The following NWD2 variants were observed in gnomAD, a reference collection of about 807,000 sequenced individuals.
The protein encoded by NWD2 is NACHT and WD repeat domain containing 2.
In NWD2, 37 loss-of-function variants were observed where a neutral mutation model predicts 132.7. That is an observed-to-expected ratio of 0.28 (90% CI 0.21 to 0.37). NWD2 has a LOEUF of 0.37. Ranked by LOEUF, NWD2 falls within the 10% of genes least tolerant of loss-of-function variation. The pLI is 1.00. For missense variants in NWD2, 1,592 were observed against 2,122.4 expected, an observed-to-expected ratio of 0.75 and a Z score of 4.91; for synonymous variants, 705 against 803.0, an observed-to-expected ratio of 0.88 and a Z score of 2.06.
rs141630665 is a variant in NWD2, at chr4:37,444,105, T to C, written c.2117T>C (p.Leu706Ser). 2.1e-4 allele frequency: 325 copies of C among 1,551,632 alleles called. No individual in the cohort carries two copies. Among genetic ancestry groups the C allele is most frequent in the Non-Finnish European group, 2.7e-4 (306 of 1,146,964 alleles). The part of the protein sequence containing the change: ...RPSNPLRVPY[L>S]YIARLKEGLS... ...AGCAATCCCCTGAGAGTACCTTACT[T>C]GTACATTGCAAGGCTCAAGGAGGGT... is the stretch of plus-strand genomic sequence containing the variant. The change falls in exon 7 of 7, where the codon TTG becomes TCG. Residue 706 changes from leucine to serine, a missense_variant. Physicochemically the swap from Leu to Ser is moderately radical, Grantham distance 145. Coordinates refer to ENST00000309447, the MANE Select transcript of NWD2 (RefSeq NM_001144990.2). The surrounding 1 kb of genome is among the most constrained non-coding windows in gnomAD (Gnocchi z 4.8).
At chr4:37,359,647 C>T (rs1719941182) in intron 3 of NWD2, among the ~76,000 whole-genome samples, 1 of 152,078 alleles carries the variant, frequency 6.6e-6, no homozygotes, top group South Asian at 2.1e-4. Flanking sequence ...AGTCTTTAGC[C>T]TTTATGTTAG....
At chr4:37,281,244 A>C (rs1718122160) in intron 1 of NWD2, among the ~76,000 whole-genome samples, 1 of 152,180 alleles carries the variant, frequency 6.6e-6, no homozygotes, top group African/African-American at 2.4e-5. Flanking sequence ...CCTCTCTGGT[A>C]AACTACCCAG....
rs1185300441 is a variant in NWD2 at position 37,267,457 on chromosome 4, AG to A, written c.151+22240del. The stretch of plus-strand genomic sequence containing the variant: ...ACCCCATCAGAGCCCACGGTTTTTA[AG>A]AATTTCTAAGAACCCTAGTACCTAT... On this transcript the variant is annotated intron_variant, in intron 1 of 6. Coordinates refer to ENST00000309447, the MANE Select transcript of NWD2 (RefSeq NM_001144990.2). Among the ~76,000 whole-genome samples the A allele has an allele frequency of 2.6e-5, 4 of 151,982 alleles. No individual in the cohort carries two copies. In the East Asian group the frequency reaches 7.7e-4, roughly 29 times the overall value.
intron 1 of NWD2, among the ~76,000 whole-genome samples, chr4:37,275,772 C>T (rs1440537937): frequency 3.9e-5 from 6 of 152,052 alleles, no homozygotes; most frequent in Admixed American, 2.0e-4. Flanking sequence ...TGGAACAGAA[C>T]AGAGCCCTCA....
At chr4:37,352,991 C>G (rs1257656672) in intron 2 of NWD2, among the ~76,000 whole-genome samples, 1 of 152,120 alleles carries the variant, frequency 6.6e-6, no homozygotes. Context: ...GTGGCTTGTA[C>G]TGGTTTTTCC....
chr4:37,269,730 G>A (rs1717830669), intron 1 of NWD2, among the ~76,000 whole-genome samples: 2 of 151,824 alleles, frequency 1.3e-5, no homozygotes, highest in South Asian at 4.1e-4. Context: ...TCTGTTTTAT[G>A]AACACACCAC....
At chr4:37,258,364 A>C (rs1279993220) in intron 1 of NWD2, among the ~76,000 whole-genome samples, 1 of 152,224 alleles carries the variant, frequency 6.6e-6, no homozygotes, top group African/African-American at 2.4e-5. Context: ...GTGACTAAAG[A>C]GCATTTGTGC....
chr4:37,273,643 A>G (rs1717923478), intron 1 of NWD2, among the ~76,000 whole-genome samples: 1 of 152,154 alleles, frequency 6.6e-6, no homozygotes, highest in South Asian at 2.1e-4. Context: ...TCTCAGCACC[A>G]CATCGCACTT....
At chr4:37,372,571 G>A (rs1271171550) in intron 3 of NWD2, among the ~76,000 whole-genome samples, 1 of 152,134 alleles carries the variant, frequency 6.6e-6, no homozygotes, top group East Asian at 1.9e-4. Flanking sequence ...CTGGACCAAC[G>A]GGTCTCAAAT....
chr4:37,397,365 A>G (rs189387543), intron 3 of NWD2, among the ~76,000 whole-genome samples: 16 of 152,304 alleles, frequency 1.1e-4, no homozygotes, highest in African/African-American at 3.8e-4. Context: ...GTACTTTTTT[A>G]GATGAGATTA....
intron 1 of NWD2, among the ~76,000 whole-genome samples, chr4:37,255,633 G>C (rs1348707147): frequency 6.6e-6 from 1 of 152,164 alleles, no homozygotes; most frequent in African/African-American, 2.4e-5. Flanking sequence ...CTGAAGTGGG[G>C]ACTTGTGAAG....
At chr4:37,261,408 C>T (rs1315690378) in intron 1 of NWD2, among the ~76,000 whole-genome samples, 5 of 152,024 alleles carry the variant, frequency 3.3e-5, no homozygotes, top group African/African-American at 4.8e-5. Flanking sequence ...CTTAGGAGGC[C>T]GTATTTATCA....
intron 1 of NWD2, among the ~76,000 whole-genome samples, chr4:37,317,138 G>A (rs1486271485): frequency 6.6e-6 from 1 of 152,122 alleles, no homozygotes; most frequent in African/African-American, 2.4e-5. Context: ...TTCGACTGTG[G>A]ATCTGTATTT....
At chr4:37,426,920 G>A (rs1712025640) in intron 3 of NWD2, among the ~76,000 whole-genome samples, 1 of 152,090 alleles carries the variant, frequency 6.6e-6, no homozygotes, top group South Asian at 2.1e-4. Flanking sequence ...AGAACGAACA[G>A]TACATTGCTG....
At chr4:37,390,982 T>A (rs10517411) in intron 3 of NWD2, among the ~76,000 whole-genome samples, 17,968 of 152,272 alleles carry the variant, frequency 0.12, 1,312 homozygotes, top group Middle Eastern at 0.21. Flanking sequence ...TAAGTGTTCA[T>A]TTAGAGTTCA....
intron 3 of NWD2, among the ~76,000 whole-genome samples, chr4:37,422,645 G>A (rs920957758): frequency 2.6e-5 from 4 of 152,090 alleles, no homozygotes; most frequent in African/African-American, 4.8e-5. Context: ...GCTACTTTAT[G>A]TATTGCCAAG....
intron 3 of NWD2, among the ~76,000 whole-genome samples, chr4:37,416,191 A>G (rs1711595549): frequency 6.6e-6 from 1 of 152,204 alleles, no homozygotes; most frequent in Non-Finnish European, 1.5e-5. Context: ...CGGGGTAGGG[A>G]CCGAGCCAAC....
Position 37,447,958 on chromosome 4 carries a change from G to A in NWD2, c.*741G>A, listed in dbSNP as rs1396683213. ...GGTTGCAAAAGAACACATTTAGTAA[G>A]AAACAACAATCTTTTCGCATCTTTT... On this transcript the variant is annotated 3_prime_UTR_variant, in exon 7 of 7. Transcript: ENST00000309447. 6.6e-6 allele frequency: 1 copy of A among 152,194 alleles called. No homozygotes were observed. Among genetic ancestry groups the A allele is most frequent in the Non-Finnish European group, 1.5e-5 (1 of 68,028 alleles). 9.4% of individuals were successfully genotyped at this position (152,194 alleles called of 1,614,324 possible).
intron 2 of NWD2, among the ~76,000 whole-genome samples, 192 bp from the exon 3 acceptor site, chr4:37,356,173 AG>A (rs1207166581): frequency 3.3e-5 from 5 of 152,218 alleles, no homozygotes; most frequent in Non-Finnish European, 7.3e-5. Context: ...CAGAAACAAA[AG>A]AAGAAATTAT....
Sources: gnomAD v4.1 joint callset for allele counts (sites outside exome capture counted in the v4.1 genomes callset) on GRCh38, gnomAD v4.1.1 for gene constraint, Gnocchi (gnomAD v3.1) non-coding constraint, MANE v1.5 for transcripts, NCBI Gene and HGNC (gene_info 2026-07-23, HGNC 2026-07-21) for gene names.